The following SAMSN1 variants were observed in gnomAD, a reference collection of about 807,000 sequenced individuals.
SAMSN1 encodes the protein SAM domain-containing protein SAMSN-1.
Under a neutral mutation model 42.0 loss-of-function variants are expected in SAMSN1, and 31 were observed. The ratio of observed to expected loss-of-function variants is 0.74; its 90% CI spans 0.55 to 1.00. SAMSN1 has a LOEUF of 1.00. SAMSN1 is among the 50% of genes least tolerant of loss of function. The pLI is 0.00. For synonymous variants in SAMSN1, 178 were observed against 151.9 expected (o/e 1.17, Z -1.26); for missense variants, 464 against 439.4 (o/e 1.06, Z -0.50).
intron 1 of SAMSN1, among the ~76,000 whole-genome samples, chr21:14,539,546 G>C (rs1399236158): frequency 1.3e-5 from 2 of 151,790 alleles, no homozygotes; most frequent in Non-Finnish European, 2.9e-5. Context: ...ATTCACAATT[G>C]CTTCAAAGAG....
chr21:14,559,264 C>G lies in SAMSN1; in HGVS notation c.261+22872G>C, dbSNP rs182655926. ...TGTCATGTGGTTCATGCAAAGGCAG[C>G]TTCTTTATTTCAGACAGCAAAGGTC... On this transcript the variant is annotated intron_variant, in intron 2 of 8. Transcript: ENST00000285670. Among the ~76,000 whole-genome samples the G allele has an allele frequency of 2.9e-4, 41 of 140,694 alleles. 1 individual carries two copies. The highest frequency in any genetic ancestry group is 1.1e-3 in the African/African-American group (39 of 36,012). The allele number at this position is 140,694 out of a possible 152,430, so 92.3% of individuals were successfully genotyped here.
chr21:14,500,777 C>T, intron 5 of SAMSN1, 42 bp from the exon 6 acceptor site: 1 of 1,410,958 alleles, frequency 7.1e-7, no homozygotes, highest in Non-Finnish European at 1.0e-6. Flanking sequence ...TTCAGAGAAC[C>T]TCACTGATAG....
At position 14,591,811 on chromosome 21, in the gene SAMSN1, C is replaced by T. The variant is rs538553350; in HGVS notation, c.465+2202G>A. 3.9e-5 allele frequency: 6 copies of T among 152,180 alleles called. No individual in the cohort carries two copies. The East Asian group carries it at 7.7e-4, about 20-fold the overall frequency. The allele number at this position is 152,180 out of a possible 1,614,324, so 9.4% of individuals were successfully genotyped here. On this transcript the variant is annotated intron_variant, in intron 7 of 15. Transcript: ENST00000647101. Reference sequence around the variant, plus strand: ...AAGTCCTAACATGATATTCTAGCTCCTCCTTCCTCTCAAGCAGATTTTGAT... The same window carrying T: ...AAGTCCTAACATGATATTCTAGCTCTTCCTTCCTCTCAAGCAGATTTTGAT...
intron 1 of SAMSN1, among the ~76,000 whole-genome samples, chr21:14,529,735 A>G (rs988250967): frequency 6.6e-6 from 1 of 152,228 alleles, no homozygotes; most frequent in African/African-American, 2.4e-5. Context: ...GGTTATATTC[A>G]TATACAAAAT....
intron 2 of SAMSN1, among the ~76,000 whole-genome samples, chr21:14,579,020 T>G (rs1981607676): frequency 6.6e-6 from 1 of 152,154 alleles, no homozygotes; most frequent in Non-Finnish European, 1.5e-5. Flanking sequence ...CTGCAATTAC[T>G]ATTGAAAAAA....
At chr21:14,542,224 T>C (rs1980092395) in intron 1 of SAMSN1, among the ~76,000 whole-genome samples, 1 of 152,184 alleles carries the variant, frequency 6.6e-6, no homozygotes, top group South Asian at 2.1e-4. Flanking sequence ...ACAGAAATAA[T>C]ATCTACAGTC....
intron 1 of SAMSN1, among the ~76,000 whole-genome samples, chr21:14,533,684 C>T (rs935500642): frequency 2.6e-5 from 4 of 152,162 alleles, no homozygotes; most frequent in East Asian, 1.9e-4. Context: ...ACTAACCAAG[C>T]GAGCATTGAT....
chr21:14,632,883 C>T (rs1983367952), intron 2 of SAMSN1, among the ~76,000 whole-genome samples: 1 of 152,174 alleles, frequency 6.6e-6, no homozygotes, highest in South Asian at 2.1e-4. Flanking sequence ...GACTGAATGC[C>T]TTTCCTAGTT....
chr21:14,593,810 G>T lies in SAMSN1; in HGVS notation c.465+203C>A, dbSNP rs1600951275. The T allele has an allele frequency of 8.1e-6, 3 of 368,136 alleles. No individual in the cohort carries two copies. The East Asian group carries it at 1.2e-4, about 14-fold the overall frequency. The allele number at this position is 368,136 out of a possible 1,614,324, so 22.8% of individuals were successfully genotyped here. On this transcript the variant is annotated intron_variant, in intron 7 of 15. Coordinates refer to the SAMSN1 transcript ENST00000647101. ...ATATAACAACCTTTCCTTCTTTGAA[G>T]GAAATGCTTTATGTTCCTTTTAGTT...
intron 2 of SAMSN1, among the ~76,000 whole-genome samples, chr21:14,520,655 A>T (rs1187125029): frequency 6.6e-6 from 1 of 152,144 alleles, no homozygotes; most frequent in African/African-American, 2.4e-5. Context: ...TTGAAGGCTG[A>T]AAAACCAGAC....
chr21:14,611,651 T>C (rs944916243), intron 4 of SAMSN1, among the ~76,000 whole-genome samples: 2 of 152,210 alleles, frequency 1.3e-5, no homozygotes, highest in Non-Finnish European at 2.9e-5. Flanking sequence ...CTGTGCACTA[T>C]TCAAATTAGG....
In SAMSN1 at chr21:14,485,601, A is replaced by G. The variant is rs1986399444; in HGVS notation, c.*311T>C. ...GAAAAAAGGTTACTTTGTTTTTTGC[A>G]GATACTGTACTTGTAAAATAAAGCC... On this transcript the variant is annotated 3_prime_UTR_variant, in exon 8 of 8. Coordinates refer to ENST00000400566, the MANE Select transcript of SAMSN1 (RefSeq NM_022136.5). 5.3e-6 allele frequency: 1 copy of G among 188,934 alleles called. No individual in the cohort carries two copies. Among genetic ancestry groups the G allele is most frequent in the African/African-American group, 2.4e-5 (1 of 42,394 alleles). 11.7% of individuals were successfully genotyped at this position (188,934 alleles called of 1,614,324 possible).
chr21:14,574,135 G>C (rs1981388537), intron 2 of SAMSN1, among the ~76,000 whole-genome samples: 1 of 152,122 alleles, frequency 6.6e-6, no homozygotes, highest in African/African-American at 2.4e-5. Flanking sequence ...GCATGCAAGA[G>C]AGGCTCTAAG....
intron 3 of SAMSN1, among the ~76,000 whole-genome samples, chr21:14,615,404 G>C (rs1982809880): frequency 6.6e-6 from 1 of 152,080 alleles, no homozygotes; most frequent in East Asian, 1.9e-4. Flanking sequence ...ATTTACAATT[G>C]GCCTCAGACC....
Position 14,486,126 on chromosome 21 carries a change from A to T in SAMSN1, c.920-12T>A, listed in dbSNP as rs993951807. 8.1e-6 allele frequency: 13 copies of T among 1,599,566 alleles called. No individual in the cohort carries two copies. In the East Asian group the frequency reaches 2.9e-4, roughly 36 times the overall value. On this transcript the variant is annotated splice_polypyrimidine_tract_variant and intron_variant, in intron 7 of 7. Coordinates refer to ENST00000400566, the MANE Select transcript of SAMSN1 (RefSeq NM_022136.5). ...TTGCTCTTGAATAACTGTAAATGGA[A>T]AAAAAGGGCAGGAGTTAGGTAAAGC... is the stretch of plus-strand genomic sequence containing the variant.
At chr21:14,503,231 C>A (rs534440883) in intron 5 of SAMSN1, among the ~76,000 whole-genome samples, 1 of 151,958 alleles carries the variant, frequency 6.6e-6, no homozygotes, top group East Asian at 1.9e-4. Context: ...CAGGTAGGAT[C>A]CCTTAAAAAA....
At chr21:14,633,697 G>T (rs2123366230) in intron 2 of SAMSN1, among the ~76,000 whole-genome samples, 1 of 152,292 alleles carries the variant, frequency 6.6e-6, no homozygotes, top group Admixed American at 6.5e-5. Context: ...CAATGGTTTT[G>T]TGCTGGTGCC....
At position 14,500,638 on chromosome 21, in the gene SAMSN1, T is replaced by A; in HGVS notation, c.659A>T (p.Asp220Val). Residue 220 changes from aspartate (D) to valine (V), a missense_variant, in exon 6 of 8, where the codon GAT becomes GTT. By Grantham distance (152) the Asp-to-Val change is radical. Coordinates refer to ENST00000400566, the MANE Select transcript of SAMSN1 (RefSeq NM_022136.5). The stretch of plus-strand genomic sequence containing the variant: ...GGCTGCTTCCTCTTCTGAGATGACA[T>A]CCACATAAATGAATTTGAAGTTTCC... ...KVGNFKFIYV[D>V]VISEEEAAPK... 6.2e-7 allele frequency: 1 copy of A among 1,614,158 alleles called. No homozygotes were observed. Among genetic ancestry groups the A allele is most frequent in the Non-Finnish European group, 8.5e-7 (1 of 1,179,990 alleles).
intron 7 of SAMSN1, among the ~76,000 whole-genome samples, chr21:14,489,950 T>G (rs185859745): frequency 6.6e-6 from 1 of 152,176 alleles, no homozygotes; most frequent in East Asian, 1.9e-4. Context: ...AAAGTGAAGA[T>G]AGTTTTAAGG....
Sources: allele counts gnomAD v4.1 joint callset (sites outside exome capture counted in the v4.1 genomes callset), GRCh38; gene constraint gnomAD v4.1.1; transcripts MANE v1.5; gene names NCBI Gene and HGNC (gene_info 2026-07-23, HGNC 2026-07-21).